Variants in NIN observed in about 807,000 individuals in gnomAD.
The protein encoded by NIN is glycogen synthase kinase 3 beta-interacting protein.
In NIN, 137 loss-of-function variants were observed where a neutral mutation model predicts 257.6. The observed-to-expected ratio is 0.53, with a 90% CI of 0.46 to 0.61. The LOEUF (loss-of-function observed/expected upper bound fraction) is 0.61, where lower values mean the gene tolerates loss of function less well. NIN is among the 20% of genes least tolerant of loss of function. The pLI, the probability that NIN is intolerant of heterozygous loss-of-function variation, is 0.00. For synonymous variants in NIN, 918 were observed against 919.8 expected (o/e 1.00, Z 0.04); for missense variants, 2,439 against 2,501.2 (o/e 0.98, Z 0.53).
intron 14 of NIN, among the ~76,000 whole-genome samples, chr14:50,765,094 T>TAAAA (rs1595811935): frequency 1.4e-5 from 2 of 138,590 alleles, no homozygotes; most frequent in East Asian, 2.0e-4. Flanking sequence ...AAAAAAAAAT[T>TAAAA]AGGCGTTTGG....
chr14:50,812,576 G>C (rs996525863), intron 3 of NIN, among the ~76,000 whole-genome samples: 1 of 152,320 alleles, frequency 6.6e-6, no homozygotes, highest in South Asian at 2.1e-4. Context: ...AGAGAGGAAG[G>C]TTTATTAGTA....
At position 50,757,071 on chromosome 14, in the gene NIN, C is replaced by T. The variant is rs2073347; in HGVS notation, c.3959G>A (p.Gly1320Glu). 0.75 allele frequency: 1,203,028 copies of T among 1,612,746 alleles called. 450,822 individuals carry two copies. The highest frequency in any genetic ancestry group is 0.86 in the African/African-American group (64,149 of 74,862). The change falls in exon 18 of 31, where the codon GGG becomes GAG. Residue 1320 changes from glycine to glutamate, a missense_variant. By Grantham distance (98) the Gly-to-Glu change is moderately conservative (BLOSUM62 -2). This residue lies in a region of NIN where 2,043 missense variants were observed against 2,050.2 expected (regional missense o/e 1.00). Transcript: ENST00000530997. ...AAGTCTCAAAACCAGAACATTCAGC[C>T]CCTCATTTTCTATTTTGACCTCATC... ...SYDEVKIENE[G>E]LNVLVLRLQG...
At chr14:50,756,341 A>G (rs2042025558) in intron 18 of NIN, 151 bp downstream of exon 18, 1 of 789,516 alleles carries the variant, frequency 1.3e-6, no homozygotes, top group African/African-American at 1.7e-5. Context: ...TTTATTTGTT[A>G]ATACGGCACA....
intron 4 of NIN, among the ~76,000 whole-genome samples, chr14:50,804,300 AAAAGCAGAG>A (rs143508342): frequency 0.015 from 2,286 of 152,320 alleles, 51 homozygotes; most frequent in African/African-American, 0.052. Flanking sequence ...AAAAGACAGA[AAAAGCAGAG>A]ATGCTCAGGA....
intron 21 of NIN, among the ~76,000 whole-genome samples, chr14:50,751,199 C>A (rs1019861381): frequency 6.6e-6 from 1 of 152,178 alleles, no homozygotes; most frequent in Non-Finnish European, 1.5e-5. Flanking sequence ...TTGTTTCCAC[C>A]ATTTTGCAAT....
intron 3 of NIN, among the ~76,000 whole-genome samples, 188 bp from the exon 4 acceptor site, chr14:50,807,006 G>A (rs2044360090): frequency 6.6e-6 from 1 of 152,086 alleles, no homozygotes; most frequent in African/African-American, 2.4e-5. Flanking sequence ...GACACCTCGT[G>A]CCGTAAACAT....
chr14:50,822,154 C>T (rs909147288), intron 2 of NIN, 77 bp from the exon 3 acceptor site: 25 of 1,013,454 alleles, frequency 2.5e-5, no homozygotes, highest in African/African-American at 1.1e-4. Context: ...GGCACATTCC[C>T]GTTCTCTGTA....
At chr14:50,736,439 A>G (rs1452801690) in intron 27 of NIN, among the ~76,000 whole-genome samples, 1 of 152,060 alleles carries the variant, frequency 6.6e-6, no homozygotes, top group African/African-American at 2.4e-5. Flanking sequence ...GTCCAGCCTC[A>G]CTTTTATAAC....
intron 6 of NIN, among the ~76,000 whole-genome samples, chr14:50,777,361 C>G (rs2042962825): frequency 6.6e-6 from 1 of 152,168 alleles, no homozygotes; most frequent in African/African-American, 2.4e-5. Flanking sequence ...GACAGTCATA[C>G]CGGTGTAATA....
Position 50,758,379 on chromosome 14 carries a change from TTC to T in NIN, c.2649_2650del (p.Lys884AsnfsTer43). ...CTGGGTCAGGACCAGAGAAGTTGTTTTCTCTCTCTTAAGAGTCTCTTTCAGCA... is the reference window on the plus strand; with the variant it reads ...CTGGGTCAGGACCAGAGAAGTTGTTTTCTCTCTTAAGAGTCTCTTTCAGCA... On this transcript the variant is annotated frameshift_variant, in exon 18 of 31. Transcript: ENST00000530997. LOFTEE classifies it high-confidence loss of function. The T allele has an allele frequency of 6.2e-7, 1 of 1,614,122 alleles. No homozygotes were observed. The highest frequency in any genetic ancestry group is 8.5e-7 in the Non-Finnish European group (1 of 1,179,930).
At chr14:50,804,098 C>T (rs10137260) in intron 4 of NIN, among the ~76,000 whole-genome samples, 147,417 of 152,148 alleles carry the variant, frequency 0.97, 71,619 homozygotes, top group East Asian at 1. Flanking sequence ...GGTTTCGTCA[C>T]GCTGGCCAGG....
chr14:50,792,459 C>T, intron 5 of NIN: 1 of 461,388 alleles, frequency 2.2e-6, no homozygotes, highest in Non-Finnish European at 3.9e-6. Context: ...TGTGGAAATA[C>T]CTGAACTCTA....
chr14:50,752,782 T>TA lies in NIN; in HGVS notation c.4735-50dup, dbSNP rs3083537. On this transcript the variant is annotated intron_variant, in intron 20 of 30. Coordinates refer to ENST00000530997, the MANE Select transcript of NIN (RefSeq NM_020921.4). ...TTCAAACTTGTTACCCTACTTGTGC[T>TA]AAAAAAAAAAAAAAACAGATTTAGA... 0.14 allele frequency: 93,755 copies of TA among 687,132 alleles called. 3,457 individuals are homozygous for TA. The highest frequency in any genetic ancestry group is 0.29 in the African/African-American group (15,265 of 51,882). 42.6% of individuals were successfully genotyped at this position (687,132 alleles called of 1,614,324 possible).
At chr14:50,797,714 C>A (rs953388558) in intron 4 of NIN, among the ~76,000 whole-genome samples, 1 of 152,070 alleles carries the variant, frequency 6.6e-6, no homozygotes, top group African/African-American at 2.4e-5. Flanking sequence ...CAAAGGAACA[C>A]TAAGACCAAG....
intron 3 of NIN, among the ~76,000 whole-genome samples, chr14:50,808,082 C>T (rs895461194): frequency 2.6e-5 from 4 of 152,184 alleles, no homozygotes; most frequent in Admixed American, 1.3e-4. Flanking sequence ...TACCTTTTTA[C>T]AGGCTTAAAA....
intron 16 of NIN, 68 bp from the exon 17 acceptor site, chr14:50,760,427 G>T: frequency 2.8e-5 from 26 of 931,064 alleles, no homozygotes; most frequent in Non-Finnish European, 3.5e-5. Context: ...AAGTGATGGA[G>T]CAGCAATTGC....
In NIN at chr14:50,726,048, C is replaced by G; in HGVS notation, c.6097G>C (p.Val2033Leu). 3 of 1,612,964 alleles carry G rather than the reference C, an allele frequency of 1.9e-6. No homozygotes were observed. The highest frequency in any genetic ancestry group is 2.5e-6 in the Non-Finnish European group (3 of 1,179,240). Residue 2033 changes from valine to leucine, a missense_variant, in exon 30 of 31, where the codon GTA (valine) becomes CTA (leucine). Physicochemically the swap from Val to Leu is conservative, Grantham distance 32. Coordinates refer to ENST00000530997, the MANE Select transcript of NIN (RefSeq NM_020921.4). ...ATCATTCGTTCCTCCATGACAGTTA[C>G]CAGTTGTTCCTGGTTTCCCTGAAGG... ...NTPQGNQEQL[V>L]TVMEERMIEV...
rs987305822 is a variant in NIN at position 50,806,739 on chromosome 14, G to C, written c.263C>G (p.Pro88Arg). 1.3e-6 allele frequency: 2 copies of C among 1,560,626 alleles called. No individual in the cohort carries two copies. Among genetic ancestry groups the C allele is most frequent in the Non-Finnish European group, 1.8e-6 (2 of 1,134,484 alleles). The change falls in exon 4 of 31, where the codon CCA becomes CGA. Residue 88 changes from proline to arginine, a missense_variant and splice_region_variant. Coordinates refer to ENST00000530997, the MANE Select transcript of NIN (RefSeq NM_020921.4). ...TLSNEEHFQE[P>R]DCSLEAQPKY... ...AGAAGAGAAGTGAGTGACCTTACCT[G>C]GTTCTTGAAAGTGTTCTTCATTTGA...
At chr14:50,751,364 G>C (rs2041781596) in intron 21 of NIN, among the ~76,000 whole-genome samples, 1 of 152,178 alleles carries the variant, frequency 6.6e-6, no homozygotes, top group African/African-American at 2.4e-5. Flanking sequence ...CCTACAAAAA[G>C]GCGGTACCAG....
Sources: allele counts gnomAD v4.1 joint callset (sites outside exome capture counted in the v4.1 genomes callset), GRCh38; gene constraint gnomAD v4.1.1; regional missense constraint gnomAD v4.1.1; transcripts MANE v1.5; gene names NCBI Gene and HGNC (gene_info 2026-07-23, HGNC 2026-07-21).